Variants in CABP4 observed in about 807,000 individuals in gnomAD.
The protein encoded by CABP4 is calcium-binding protein 4.
In CABP4, 30 loss-of-function variants were observed where a neutral mutation model predicts 30.7. The ratio of observed to expected loss-of-function variants is 0.98; its 90% CI spans 0.73 to 1.33. The LOEUF is 1.33. Among genes scored for constraint, CABP4 ranks in the 40% most tolerant of loss-of-function variants. CABP4 has a pLI of 0.00. For synonymous variants in CABP4, 161 were observed against 159.2 expected, an observed-to-expected ratio of 1.01 and a Z score of -0.08; for missense variants, 424 against 395.5, an observed-to-expected ratio of 1.07 and a Z score of -0.61.
upstream of CABP4, among the ~76,000 whole-genome samples, chr11:67,454,908 A>C (rs1419559751): frequency 6.6e-6 from 1 of 151,962 alleles, no homozygotes; most frequent in Non-Finnish European, 1.5e-5. Context: ...CCAGGATGTC[A>C]CCCATGGGGG....
rs1186822812 is a variant in CABP4, at chr11:67,460,824, T to C, written c.*2165T>C. Among the ~76,000 whole-genome samples, 1 of 149,550 alleles carries C rather than the reference T, an allele frequency of 6.7e-6. No individual in the cohort carries two copies. The highest frequency in any genetic ancestry group is 1.5e-5 in the Non-Finnish European group (1 of 67,504). On this transcript the variant is annotated 3_prime_UTR_variant, in exon 6 of 6. Transcript: ENST00000325656. ...AGTGAAACCCCATCTCTACTAAAAA[T>C]ACAAAAAAAAATTAGCTGGGCGTGG...
upstream of CABP4, chr11:67,455,300 C>A: frequency 4.4e-6 from 6 of 1,350,636 alleles, no homozygotes; most frequent in Non-Finnish European, 6.0e-6. Flanking sequence ...TTACCCTAAT[C>A]CCCCTCAGAG....
At chr11:67,453,061 A>C (rs1180123295), upstream of CABP4, 3 of 219,786 alleles carry the variant, frequency 1.4e-5, no homozygotes, top group Non-Finnish European at 2.7e-5. Context: ...ATTGCCCAGG[A>C]TGAGTGCAGT....
chr11:67,452,920 T>C (rs546132592), upstream of CABP4: 132 of 536,456 alleles, frequency 2.5e-4, no homozygotes, highest in South Asian at 2.9e-3. Context: ...GGAGTCCTCA[T>C]ACAATCTACT....
At chr11:67,454,451 C>T (rs1190518249), upstream of CABP4, among the ~76,000 whole-genome samples, 1 of 152,162 alleles carries the variant, frequency 6.6e-6, no homozygotes, top group Non-Finnish European at 1.5e-5. Flanking sequence ...CCCCAGGCAC[C>T]CCGAGACTGG....
rs3835327 is a variant in CABP4 at position 67,459,039 on chromosome 11, A to ATTT, written c.*392_*394dup. On this transcript the variant is annotated 3_prime_UTR_variant, in exon 6 of 6. Coordinates refer to ENST00000325656, the MANE Select transcript of CABP4 (RefSeq NM_145200.5). ...ACCCCTTCCACTACTTATGTTTATAATTTTTTTTTTTTTTAATGAACTTGA... is the reference window on the plus strand; with the variant it reads ...ACCCCTTCCACTACTTATGTTTATAATTTTTTTTTTTTTTTTTAATGAACTTGA... 4.4e-6 allele frequency: 1 copy of ATTT among 229,380 alleles called. No homozygotes were observed. The highest frequency in any genetic ancestry group is 8.6e-6 in the Non-Finnish European group (1 of 116,078). The allele number at this position is 229,380 out of a possible 1,614,324, so 14.2% of individuals were successfully genotyped here. A position where few individuals can be genotyped will look rare whatever the true frequency, so the allele number is the denominator to read the frequency against.
chr11:67,455,568 C>A lies in CABP4; in HGVS notation c.145C>A (p.Arg49=). Residue 49 remains arginine (R), a synonymous_variant, in exon 1 of 6, where the codon CGA becomes AGA. Transcript: ENST00000325656. ...GAGGAGCAAGAAGGAGAGGGGGCTC[C>A]GAGGGTCTCGAAAGCGCACTGGCAG... ...RKRSKKERGL[R]GSRKRTGSSG... 1 of 1,601,746 alleles carries A rather than the reference C, an allele frequency of 6.2e-7. No homozygotes were observed. The highest frequency in any genetic ancestry group is 8.5e-7 in the Non-Finnish European group (1 of 1,175,572).
intron 1 of CABP4, 173 bp downstream of exon 1, chr11:67,455,962 G>A (rs1864771100): frequency 6.1e-6 from 7 of 1,147,444 alleles, no homozygotes; most frequent in East Asian, 2.6e-5. Context: ...TCGGGCCAGC[G>A]TGGGCGGTGG....
Position 67,458,880 on chromosome 11 carries a change from C to G in CABP4, c.*221C>G, listed in dbSNP as rs1864927078. ...TCAAGCTGCCTGGAGAAGACCTGCT[C>G]TCAGCTGCCCACCGTTCCTCAGTGT... is the stretch of plus-strand genomic sequence containing the variant. On this transcript the variant is annotated 3_prime_UTR_variant, in exon 6 of 6. Transcript: ENST00000325656. The G allele has an allele frequency of 3.2e-6, 2 of 626,624 alleles. No individual in the cohort carries two copies. Among genetic ancestry groups the G allele is most frequent in the Admixed American group, 2.4e-5 (1 of 42,168 alleles). The allele number at this position is 626,624 out of a possible 1,614,324, so 38.8% of individuals were successfully genotyped here. A position where few individuals can be genotyped will look rare whatever the true frequency, so the allele number is the denominator to read the frequency against.
intron 3 of CABP4, among the ~76,000 whole-genome samples, 189 bp downstream of exon 3, chr11:67,456,631 C>T (rs1460610548): frequency 6.6e-6 from 1 of 152,184 alleles, no homozygotes; most frequent in Non-Finnish European, 1.5e-5. Context: ...GCAAGGCGGC[C>T]CGGAGACCCA....
chr11:67,458,844 C>A lies in CABP4; in HGVS notation c.*185C>A. 3 of 698,690 alleles carry A rather than the reference C, an allele frequency of 4.3e-6. No individual in the cohort carries two copies. The highest frequency in any genetic ancestry group is 5.0e-6 in the Non-Finnish European group (2 of 399,284). The allele number at this position is 698,690 out of a possible 1,614,324, so 43.3% of individuals were successfully genotyped here. The stretch of plus-strand genomic sequence containing the variant: ...TGTTACCTGCCCACCCTCATCCTTA[C>A]CTCCTCCTACTCAAGCTGCCTGGAG... On this transcript the variant is annotated 3_prime_UTR_variant, in exon 6 of 6. Transcript: ENST00000325656.
At chr11:67,452,901 T>C, upstream of CABP4, 1 of 591,720 alleles carries the variant, frequency 1.7e-6, no homozygotes, top group African/African-American at 1.9e-5. Context: ...TTGAAGTGGA[T>C]GACCTCATGG....
chr11:67,457,673 C>T lies in CABP4; in HGVS notation c.642C>T (p.Ala214=). The change falls in exon 4 of 6, where the codon GCC becomes GCT. Residue 214 remains alanine (A), a synonymous_variant. Transcript: ENST00000325656. ...TGGGGGTGCGAGAGCTGCGCATCGC[C>T]TTCCGAGAGGTGCGGAGTGTGGTGA... The part of the protein sequence containing the change: ...HMLGVRELRI[A]FREFDRDRDG... 1 of 1,587,068 alleles carries T rather than the reference C, an allele frequency of 6.3e-7. No individual in the cohort carries two copies. Among genetic ancestry groups the T allele is most frequent in the Non-Finnish European group, 8.6e-7 (1 of 1,166,754 alleles).
upstream of CABP4, chr11:67,452,926 CTACTT>C (rs1864614847): frequency 5.7e-6 from 3 of 523,016 alleles, no homozygotes; most frequent in Admixed American, 6.8e-5. Flanking sequence ...CTCATACAAT[CTACTT>C]TACAGGCGAG....
upstream of CABP4, chr11:67,452,905 C>T (rs1248812482): frequency 1.6e-5 from 9 of 574,604 alleles, no homozygotes; most frequent in Non-Finnish European, 2.8e-5. Context: ...AGTGGATGAC[C>T]TCATGGAGTC....
rs1832277275 is a variant in CABP4, at chr11:67,461,284, T to C, written c.*2625T>C. Reference sequence around the variant, plus strand: ...GCCTTGGTGACAGAGCAAGAGACCCTGTCTCAAAGAAAAAGACAGATAAGT... The same window carrying C: ...GCCTTGGTGACAGAGCAAGAGACCCCGTCTCAAAGAAAAAGACAGATAAGT... On this transcript the variant is annotated 3_prime_UTR_variant, in exon 6 of 6. Coordinates refer to ENST00000325656, the MANE Select transcript of CABP4 (RefSeq NM_145200.5). 6.6e-6 allele frequency among the ~76,000 whole-genome samples: 1 copy of C among 152,148 alleles called. No homozygotes were observed. The highest frequency in any genetic ancestry group is 1.5e-5 in the Non-Finnish European group (1 of 68,020).
rs532585993 is a variant in CABP4, at chr11:67,456,323, T to C, written c.422T>C (p.Phe141Ser). ...LDELQAAFEEFDTDRDGYISH... is the reference protein window; with the variant it reads ...LDELQAAFEESDTDRDGYISH... ...GAGCTTCAGGCCGCCTTCGAGGAGT[T>C]TGACACTGACCGTGACGGCTACATC... is the stretch of plus-strand genomic sequence containing the variant. Residue 141 changes from phenylalanine (F) to serine (S), a missense_variant, in exon 3 of 6, where the codon TTT becomes TCT. Coordinates refer to ENST00000325656, the MANE Select transcript of CABP4 (RefSeq NM_145200.5). 1 of 1,613,696 alleles carries C rather than the reference T, an allele frequency of 6.2e-7. No individual in the cohort carries two copies. The highest frequency in any genetic ancestry group is 2.2e-5 in the East Asian group (1 of 44,872).
At chr11:67,454,579 G>T (rs1864688580), upstream of CABP4, among the ~76,000 whole-genome samples, 1 of 152,210 alleles carries the variant, frequency 6.6e-6, no homozygotes, top group Non-Finnish European at 1.5e-5. Context: ...CCTCACTGGG[G>T]CCTGCTTTGT....
At chr11:67,458,263 A>C (rs1254659166) in intron 4 of CABP4, 108 bp from the exon 5 acceptor site, 3 of 966,900 alleles carry the variant, frequency 3.1e-6, no homozygotes, top group Non-Finnish European at 4.0e-6. Context: ...ATCTCAAAAA[A>C]TAAAATAAAA....
Sources: gnomAD v4.1 joint callset for allele counts (sites outside exome capture counted in the v4.1 genomes callset) on GRCh38, gnomAD v4.1.1 for gene constraint, MANE v1.5 for transcripts, NCBI Gene and HGNC (gene_info 2026-07-23, HGNC 2026-07-21) for gene names.